ANXA13: variants seen among roughly 807,000 people sequenced by gnomAD.
The protein encoded by ANXA13 is annexin XIII.
ANXA13 carries 36 observed loss-of-function variants against 46.6 expected under a neutral mutation model. The ratio of observed to expected loss-of-function variants is 0.77; its 90% CI spans 0.59 to 1.02. The LOEUF is 1.02. Ranked by LOEUF, ANXA13 falls within the 50% of genes least tolerant of loss-of-function variation. The pLI, the probability that ANXA13 is intolerant of heterozygous loss-of-function variation, is 0.00. For missense variants in ANXA13, 417 were observed against 396.5 expected (o/e 1.05, Z -0.44); for synonymous variants, 163 against 152.9 (o/e 1.07, Z -0.49).
chr8:123,694,592 T>C (rs985063684), intron 6 of ANXA13, among the ~76,000 whole-genome samples: 1 of 152,100 alleles, frequency 6.6e-6, no homozygotes, highest in Non-Finnish European at 1.5e-5. Context: ...CATAAGGAAA[T>C]GAATTCTGCC....
rs368146229 is a variant in ANXA13 at position 123,695,700 on chromosome 8, C to G, written c.379G>C (p.Ala127Pro). ...TNKEIIAIKE[A>P]YQRLFDRSLE... The stretch of plus-strand genomic sequence containing the variant: ...AAAAGTCACTTACGCCTTTGGTAGG[C>G]CTCTTTAATGGCGATGATTTCCTAG... The change falls in exon 5 of 11, where the codon GCC becomes CCC. Residue 127 changes from alanine to proline, a missense_variant. Ala to Pro is a conservative substitution (Grantham distance 27). Transcript: ENST00000419625. The G allele has an allele frequency of 6.2e-7, 1 of 1,613,688 alleles. No homozygotes were observed. The highest frequency in any genetic ancestry group is 2.2e-5 in the East Asian group (1 of 44,884).
At chr8:123,707,051 G>T (rs1368681534) in intron 2 of ANXA13, among the ~76,000 whole-genome samples, 1 of 152,184 alleles carries the variant, frequency 6.6e-6, no homozygotes, top group Non-Finnish European at 1.5e-5. Flanking sequence ...TCCTGTTTCT[G>T]CCAGGACACA....
At chr8:123,730,158 G>T (rs1216162651) in intron 1 of ANXA13, among the ~76,000 whole-genome samples, 1 of 152,174 alleles carries the variant, frequency 6.6e-6, no homozygotes, top group African/African-American at 2.4e-5. Context: ...CACTGCTTCC[G>T]AAGTGCTTGA....
At chr8:123,687,522 T>A (rs915922229) in intron 9 of ANXA13, among the ~76,000 whole-genome samples, 2 of 152,084 alleles carry the variant, frequency 1.3e-5, no homozygotes, top group Non-Finnish European at 2.9e-5. Context: ...CCAGTGTGGG[T>A]CATGAGTAAT....
chr8:123,732,897 G>C (rs1010982632), intron 1 of ANXA13, among the ~76,000 whole-genome samples: 5 of 152,312 alleles, frequency 3.3e-5, no homozygotes, highest in African/African-American at 1.2e-4. Flanking sequence ...CTGAGGTCAA[G>C]TGCAGTGGCT....
At chr8:123,692,903 G>C (rs1813266447) in intron 8 of ANXA13, among the ~76,000 whole-genome samples, 2 of 151,998 alleles carry the variant, frequency 1.3e-5, no homozygotes, top group East Asian at 3.9e-4. Context: ...TCCAGCCTGG[G>C]TACTGCATCT....
intron 10 of ANXA13, among the ~76,000 whole-genome samples, chr8:123,682,593 G>T (rs1358427922): frequency 1.3e-5 from 2 of 152,180 alleles, no homozygotes; most frequent in African/African-American, 2.4e-5. Context: ...GTGAGGGAGG[G>T]TTTGCAGTGG....
intron 1 of ANXA13, among the ~76,000 whole-genome samples, chr8:123,715,569 G>A (rs1473595383): frequency 6.6e-6 from 1 of 152,224 alleles, no homozygotes; most frequent in Non-Finnish European, 1.5e-5. Flanking sequence ...CTGAAACAGA[G>A]ATGCAGGGCT....
intron 1 of ANXA13, among the ~76,000 whole-genome samples, chr8:123,717,004 A>G (rs1395973430): frequency 1.3e-5 from 2 of 152,216 alleles, no homozygotes; most frequent in African/African-American, 2.4e-5. Flanking sequence ...TTGTAGAGCC[A>G]GGGCAACATT....
intron 4 of ANXA13, among the ~76,000 whole-genome samples, chr8:123,696,321 T>C (rs765320771): frequency 6.6e-6 from 1 of 152,212 alleles, no homozygotes; most frequent in Non-Finnish European, 1.5e-5. Flanking sequence ...AGCTACGGTT[T>C]ACTTAGCCAA....
chr8:123,681,945 A>G (rs1479541379), intron 10 of ANXA13, among the ~76,000 whole-genome samples: 3 of 152,132 alleles, frequency 2.0e-5, no homozygotes, highest in East Asian at 3.8e-4. Context: ...TGAATTTCAT[A>G]CAGTTTTTAC....
At chr8:123,691,001 A>G (rs1813231389) in intron 8 of ANXA13, among the ~76,000 whole-genome samples, 1 of 152,196 alleles carries the variant, frequency 6.6e-6, no homozygotes, top group Admixed American at 6.5e-5. Flanking sequence ...TTGGTTTTAT[A>G]GCTATATAAG....
intron 10 of ANXA13, 73 bp from the exon 11 acceptor site, chr8:123,681,432 A>G: frequency 6.9e-7 from 1 of 1,444,792 alleles, no homozygotes; most frequent in Non-Finnish European, 9.4e-7. Context: ...ACTGTTCTAC[A>G]CATGTTATAC....
intron 3 of ANXA13, 59 bp from the exon 4 acceptor site, chr8:123,698,618 C>T: frequency 6.4e-7 from 1 of 1,558,526 alleles, no homozygotes; most frequent in Non-Finnish European, 8.8e-7. Context: ...GGGCAGGTGT[C>T]TGCTTGCACT....
intron 1 of ANXA13, among the ~76,000 whole-genome samples, chr8:123,714,615 T>C (rs376277741): frequency 1.3e-3 from 198 of 152,314 alleles, no homozygotes; most frequent in African/African-American, 4.3e-3. Context: ...CTAACATCTG[T>C]GGGCTGAAGG....
At chr8:123,681,532 G>A (rs548716263) in intron 10 of ANXA13, among the ~76,000 whole-genome samples, 173 bp from the exon 11 acceptor site, 1 of 151,704 alleles carries the variant, frequency 6.6e-6, no homozygotes, top group African/African-American at 2.4e-5. Flanking sequence ...TCAATTTTGT[G>A]ATCAGGAAAG....
intron 2 of ANXA13, among the ~76,000 whole-genome samples, chr8:123,703,703 C>T (rs1813489543): frequency 6.6e-6 from 1 of 152,108 alleles, no homozygotes; most frequent in Non-Finnish European, 1.5e-5. Context: ...CCTTTTAACT[C>T]CTATTACCTT....
intron 1 of ANXA13, chr8:123,735,881 A>T: frequency 6.3e-7 from 1 of 1,592,520 alleles, no homozygotes; most frequent in East Asian, 2.3e-5. Context: ...ACTGGCTCTG[A>T]GGATTAAAAA....
At chr8:123,683,193 G>T (rs1422950061) in intron 10 of ANXA13, among the ~76,000 whole-genome samples, 1 of 151,968 alleles carries the variant, frequency 6.6e-6, no homozygotes, top group Non-Finnish European at 1.5e-5. Flanking sequence ...ACTGGCAAAG[G>T]GAAAGAGGGG....
Sources: allele counts gnomAD v4.1 joint callset (sites outside exome capture counted in the v4.1 genomes callset), GRCh38; gene constraint gnomAD v4.1.1; transcripts MANE v1.5; gene names NCBI Gene and HGNC (gene_info 2026-07-23, HGNC 2026-07-21).